Variants in ERBB4 observed in about 807,000 individuals in gnomAD.
ERBB4 encodes erb-b2 receptor tyrosine kinase 4.
ERBB4 carries 42 observed loss-of-function variants against 158.0 expected under a neutral mutation model. The ratio of observed to expected loss-of-function variants is 0.27; its 90% CI spans 0.21 to 0.34. The LOEUF is 0.34. ERBB4 is among the 10% of genes least tolerant of loss of function. The probability of loss-of-function intolerance (pLI) is 1.00; values close to 1 mark genes in which losing one functional copy is unlikely to be tolerated. For synonymous variants in ERBB4, 583 were observed against 558.7 expected (o/e 1.04, Z -0.61); for missense variants, 1,333 against 1,624.1 (o/e 0.82, Z 3.08).
intron 20 of ERBB4, among the ~76,000 whole-genome samples, chr2:211,521,196 A>G (rs2066176723): frequency 6.6e-6 from 1 of 152,170 alleles, no homozygotes; most frequent in Non-Finnish European, 1.5e-5. Context: ...CCTTGCACCA[A>G]ACAGATAGCC....
chr2:212,305,657 C>T (rs946584817), intron 1 of ERBB4, among the ~76,000 whole-genome samples: 2 of 151,280 alleles, frequency 1.3e-5, no homozygotes, highest in African/African-American at 4.8e-5. Context: ...AATATTATGA[C>T]TTCATTTGAT....
chr2:212,406,464 A>C (rs1038074481), intron 1 of ERBB4, among the ~76,000 whole-genome samples: 1 of 152,206 alleles, frequency 6.6e-6, no homozygotes, highest in African/African-American at 2.4e-5. Context: ...CACATGGCTG[A>C]AAGCCATATT....
intron 1 of ERBB4, among the ~76,000 whole-genome samples, chr2:212,379,080 A>T (rs2090421067): frequency 6.6e-6 from 1 of 151,788 alleles, no homozygotes. Context: ...GTTCAAGTGA[A>T]ATGTTCAATT....
intron 2 of ERBB4, among the ~76,000 whole-genome samples, chr2:212,110,747 G>T (rs969891092): frequency 6.6e-6 from 1 of 152,178 alleles, no homozygotes; most frequent in Non-Finnish European, 1.5e-5. Flanking sequence ...CAAACAAAAG[G>T]TTAAGCCAGC....
chr2:211,578,522 C>T lies in ERBB4; in HGVS notation c.2302-16434G>A, dbSNP rs533938340. 2.3e-4 allele frequency among the ~76,000 whole-genome samples: 35 copies of T among 152,240 alleles called. No homozygotes were observed. In the South Asian group the frequency reaches 2.9e-3, roughly 13 times the overall value. ...ACAATCCTAAGCAAAGAGAAAAAAG[C>T]TTGAAGCATCATGGTACTAGACTTC... On this transcript the variant is annotated intron_variant, in intron 19 of 27. Transcript: ENST00000342788.
At position 211,387,086 on chromosome 2, in the gene ERBB4, G is replaced by C. The variant is rs2125320134; in HGVS notation, c.3248C>G (p.Ala1083Gly). The C allele has an allele frequency of 1.2e-6, 2 of 1,613,804 alleles. No homozygotes were observed. Among genetic ancestry groups the C allele is most frequent in the Non-Finnish European group, 1.7e-6 (2 of 1,179,762 alleles). ...AGCTTCTGGAATTGTGCTAGTTGGG[G>C]CTCTGTAGGGCACAGACACTCCTTG... ...AEQGVSVPYR[A>G]PTSTIPEAPV... Residue 1083 changes from alanine (A) to glycine (G), a missense_variant, in exon 27 of 28, where the codon GCC becomes GGC. Ala to Gly is a moderately conservative substitution (Grantham distance 60, BLOSUM62 0). Coordinates refer to ENST00000342788, the MANE Select transcript of ERBB4 (RefSeq NM_005235.3).
chr2:211,625,641 T>A (rs2069814026), intron 17 of ERBB4, among the ~76,000 whole-genome samples: 1 of 152,204 alleles, frequency 6.6e-6, no homozygotes. Flanking sequence ...ATTTGTTAAA[T>A]TTCAAAATGA....
intron 20 of ERBB4, among the ~76,000 whole-genome samples, chr2:211,475,874 T>G (rs2064940594): frequency 6.6e-6 from 1 of 152,112 alleles, no homozygotes; most frequent in African/African-American, 2.4e-5. Flanking sequence ...TAGTATAAGT[T>G]GTTGAATACC....
chr2:211,701,563 T>C (rs554684039), intron 12 of ERBB4, among the ~76,000 whole-genome samples: 18 of 152,154 alleles, frequency 1.2e-4, no homozygotes, highest in African/African-American at 2.9e-4. Context: ...GGGACCATCC[T>C]GGCTAACACA....
chr2:211,601,861 G>A (rs1205021621), intron 19 of ERBB4, among the ~76,000 whole-genome samples: 2 of 151,998 alleles, frequency 1.3e-5, no homozygotes, highest in Non-Finnish European at 2.9e-5. Flanking sequence ...ACCATGTATA[G>A]GAAATAAATA....
At chr2:211,930,087 A>AT (rs1032529629) in intron 3 of ERBB4, among the ~76,000 whole-genome samples, 11 of 152,228 alleles carry the variant, frequency 7.2e-5, no homozygotes, top group African/African-American at 1.7e-4. Flanking sequence ...CAGATTTTCT[A>AT]TTTTTTTAAC....
At chr2:211,548,246 A>G (rs1258754242) in intron 20 of ERBB4, among the ~76,000 whole-genome samples, 1 of 151,930 alleles carries the variant, frequency 6.6e-6, no homozygotes, top group East Asian at 1.9e-4. Flanking sequence ...TTCAAATTCA[A>G]CCAGGTGCTT....
At chr2:212,454,274 C>T (rs930767398) in intron 1 of ERBB4, among the ~76,000 whole-genome samples, 6 of 152,176 alleles carry the variant, frequency 3.9e-5, no homozygotes, top group African/African-American at 9.6e-5. Context: ...TGTGGTGACG[C>T]ACTAGGAAGT....
At chr2:211,612,077 T>C (rs1381751704) in intron 19 of ERBB4, among the ~76,000 whole-genome samples, 39 of 152,146 alleles carry the variant, frequency 2.6e-4, no homozygotes, top group Admixed American at 2.6e-3. Flanking sequence ...ATTGAGTTTG[T>C]AGAAATGAAT....
intron 2 of ERBB4, among the ~76,000 whole-genome samples, chr2:212,107,175 A>G (rs888823305): frequency 3.5e-4 from 53 of 152,250 alleles, no homozygotes; most frequent in African/African-American, 1.2e-3. Context: ...AGCCACAGAC[A>G]CTCAGTGCCA....
intron 2 of ERBB4, among the ~76,000 whole-genome samples, chr2:212,114,529 T>C (rs914500847): frequency 3.3e-5 from 5 of 152,230 alleles, no homozygotes; most frequent in African/African-American, 1.2e-4. Flanking sequence ...CCTAAGAGGA[T>C]GGAAAGTTTT....
intron 2 of ERBB4, among the ~76,000 whole-genome samples, chr2:211,957,763 A>G (rs2081072861): frequency 6.6e-6 from 1 of 152,068 alleles, no homozygotes; most frequent in South Asian, 2.1e-4. Context: ...ATAAAACTGT[A>G]TTTTTCTATT....
intron 20 of ERBB4, among the ~76,000 whole-genome samples, chr2:211,527,319 A>T (rs2066375903): frequency 6.6e-6 from 1 of 152,060 alleles, no homozygotes; most frequent in Admixed American, 6.5e-5. Context: ...AAAAAACCCC[A>T]ACTTTTAGCC....
At chr2:211,688,404 T>G in intron 12 of ERBB4, among the ~76,000 whole-genome samples, 1 of 152,190 alleles carries the variant, frequency 6.6e-6, no homozygotes, top group East Asian at 1.9e-4. Context: ...TCTCCCTCAT[T>G]ATACTGTGGC....
Sources: allele counts gnomAD v4.1 joint callset (sites outside exome capture counted in the v4.1 genomes callset), GRCh38; gene constraint gnomAD v4.1.1; transcripts MANE v1.5; gene names NCBI Gene and HGNC (gene_info 2026-07-23, HGNC 2026-07-21).